The following SLC25A24 variants were observed in gnomAD, a reference collection of about 807,000 sequenced individuals.
SLC25A24 encodes the protein mitochondrial adenyl nucleotide antiporter SLC25A24.
In SLC25A24, 49 loss-of-function variants were observed where a neutral mutation model predicts 60.7. The observed-to-expected ratio is 0.81, with a 90% CI of 0.64 to 1.02. SLC25A24 has a LOEUF of 1.02. Ranked by LOEUF, SLC25A24 falls within the 50% of genes least tolerant of loss-of-function variation. The probability of loss-of-function intolerance (pLI) is 0.00; values close to 1 mark genes in which losing one functional copy is unlikely to be tolerated. For missense variants in SLC25A24, 564 were observed against 586.3 expected (o/e 0.96, Z 0.39); for synonymous variants, 202 against 200.6 (o/e 1.01, Z -0.06).
At chr1:108,146,521 T>A (rs1227128873) in intron 7 of SLC25A24, among the ~76,000 whole-genome samples, 1 of 152,224 alleles carries the variant, frequency 6.6e-6, no homozygotes, top group Admixed American at 6.5e-5. Flanking sequence ...CTTCCAGCTT[T>A]TGCCCATTCA....
chr1:108,192,629 G>A (rs771697575), intron 1 of SLC25A24: 3 of 1,494,496 alleles, frequency 2.0e-6, no homozygotes, highest in African/African-American at 2.7e-5. Context: ...CATCGAGGAT[G>A]TCTCCCTCGC....
At chr1:108,158,741 G>A (rs1009596751) in intron 4 of SLC25A24, among the ~76,000 whole-genome samples, 48 of 148,942 alleles carry the variant, frequency 3.2e-4, no homozygotes, top group African/African-American at 1.1e-3. Context: ...AGTGGCTCAC[G>A]CCTGTAATCC....
chr1:108,154,568 G>A (rs6678223), intron 6 of SLC25A24, among the ~76,000 whole-genome samples: 1 of 151,592 alleles, frequency 6.6e-6, no homozygotes, highest in Non-Finnish European at 1.5e-5. Context: ...CTTCATGGAG[G>A]TGTCACTCCA....
chr1:108,142,087 C>T (rs185946277), intron 8 of SLC25A24, among the ~76,000 whole-genome samples: 63 of 152,120 alleles, frequency 4.1e-4, no homozygotes, highest in African/African-American at 1.4e-3. Context: ...CCTAAGAGGA[C>T]GGCCATAATA....
At chr1:108,159,779 G>T (rs1161214860) in intron 4 of SLC25A24, among the ~76,000 whole-genome samples, 1 of 151,258 alleles carries the variant, frequency 6.6e-6, no homozygotes, top group Non-Finnish European at 1.5e-5. Context: ...CACAGGGTTG[G>T]GGGTAAGGTC....
chr1:108,185,067 A>T (rs1648069164), intron 2 of SLC25A24, among the ~76,000 whole-genome samples: 1 of 152,162 alleles, frequency 6.6e-6, no homozygotes, highest in Non-Finnish European at 1.5e-5. Context: ...TTTTAAGAAG[A>T]GGAAGAGAGA....
chr1:108,195,043 CT>C (rs1400014916), intron 1 of SLC25A24, among the ~76,000 whole-genome samples: 1 of 152,196 alleles, frequency 6.6e-6, no homozygotes, highest in Admixed American at 6.5e-5. Context: ...TCAACAAATC[CT>C]TTTGTTTTCA....
intron 4 of SLC25A24, among the ~76,000 whole-genome samples, chr1:108,158,052 A>G (rs566588087): frequency 6.6e-6 from 1 of 152,280 alleles, no homozygotes; most frequent in South Asian, 2.1e-4. Flanking sequence ...CTTTATCTCA[A>G]ATTTATATCC....
chr1:108,153,811 G>C (rs1465643783), intron 6 of SLC25A24, among the ~76,000 whole-genome samples: 1 of 152,198 alleles, frequency 6.6e-6, no homozygotes, highest in Non-Finnish European at 1.5e-5. Context: ...AAAGCAAAAT[G>C]TGCATATTTG....
chr1:108,195,604 C>T (rs1413254635), intron 1 of SLC25A24, among the ~76,000 whole-genome samples: 1 of 152,022 alleles, frequency 6.6e-6, no homozygotes, highest in African/African-American at 2.4e-5. Flanking sequence ...TTTCTTATAC[C>T]ATAATCTTTC....
chr1:108,171,795 C>A (rs938061943), intron 3 of SLC25A24, among the ~76,000 whole-genome samples: 2 of 152,176 alleles, frequency 1.3e-5, no homozygotes, highest in East Asian at 3.8e-4. Flanking sequence ...CTCATTTAAT[C>A]CTTAAAACAA....
chr1:108,147,723 A>ATGGCAGCCAGCCTCTAAAG (rs927294760), intron 7 of SLC25A24, among the ~76,000 whole-genome samples: 1 of 152,256 alleles, frequency 6.6e-6, no homozygotes, highest in Admixed American at 6.5e-5. Context: ...TTGGACAGGA[A>ATGGCAGCCAGCCTCTAAAG]TGGCAGCCAG....
At chr1:108,140,015 A>G (rs1399914780) in intron 8 of SLC25A24, among the ~76,000 whole-genome samples, 1 of 152,168 alleles carries the variant, frequency 6.6e-6, no homozygotes, top group Non-Finnish European at 1.5e-5. Flanking sequence ...GGCAATAATT[A>G]GGAGAAACTG....
At position 108,185,968 on chromosome 1, in the gene SLC25A24, T is replaced by A; in HGVS notation, c.184-14A>T. The A allele has an allele frequency of 3.2e-6, 5 of 1,543,236 alleles. No individual in the cohort carries two copies. The highest frequency in any genetic ancestry group is 4.4e-6 in the Non-Finnish European group (5 of 1,136,978). On this transcript the variant is annotated splice_polypyrimidine_tract_variant and intron_variant, in intron 1 of 9. Transcript: ENST00000565488. Reference sequence around the variant, plus strand: ...AGTAAAAATTTTCTATAAAAAAAAATTAGAGAGAAGTTATTGCCAATATGG... The same window carrying A: ...AGTAAAAATTTTCTATAAAAAAAAAATAGAGAGAAGTTATTGCCAATATGG...
chr1:108,189,005 G>A (rs779364385), intron 1 of SLC25A24, among the ~76,000 whole-genome samples: 1 of 152,182 alleles, frequency 6.6e-6, no homozygotes, highest in African/African-American at 2.4e-5. Context: ...CTTACAAGTG[G>A]AGAGATTTTC....
In SLC25A24 at chr1:108,200,242, C is replaced by T; in HGVS notation, c.-104G>A. On this transcript the variant is annotated 5_prime_UTR_variant, in exon 1 of 10. Coordinates refer to ENST00000565488, the MANE Select transcript of SLC25A24 (RefSeq NM_013386.5). ...AGGCCGGGCTGGGCGGGGCGCGCGG[C>T]GCAACAGCGTTTGGGGCGCCGTCGG... 8.5e-7 allele frequency: 1 copy of T among 1,176,478 alleles called. No individual in the cohort carries two copies. Among genetic ancestry groups the T allele is most frequent in the Non-Finnish European group, 1.1e-6 (1 of 903,786 alleles). 72.9% of individuals were successfully genotyped at this position (1,176,478 alleles called of 1,614,324 possible). A position where few individuals can be genotyped will look rare whatever the true frequency, so the allele number is the denominator to read the frequency against.
chr1:108,166,377 C>T (rs1471393911), intron 3 of SLC25A24, among the ~76,000 whole-genome samples: 2 of 151,956 alleles, frequency 1.3e-5, no homozygotes, highest in East Asian at 3.9e-4. Flanking sequence ...TGGATAATAT[C>T]CTGCAGAGTG....
At chr1:108,139,751 A>T (rs1056890236) in intron 8 of SLC25A24, among the ~76,000 whole-genome samples, 7 of 152,068 alleles carry the variant, frequency 4.6e-5, no homozygotes, top group Non-Finnish European at 7.4e-5. Flanking sequence ...AGCTTGGATT[A>T]CAGGCACCCA....
In SLC25A24 at chr1:108,192,682, C is replaced by A. The variant is rs1648382341; in HGVS notation, c.184-6728G>T. 2.1e-6 allele frequency: 3 copies of A among 1,462,914 alleles called. 1 individual carries two copies. In the Admixed American group the frequency reaches 6.5e-5, roughly 32 times the overall value. 90.6% of individuals were successfully genotyped at this position (1,462,914 alleles called of 1,614,324 possible). On this transcript the variant is annotated intron_variant, in intron 1 of 9. Coordinates refer to ENST00000565488, the MANE Select transcript of SLC25A24 (RefSeq NM_013386.5). ...GAGCCCCAGCGGGGTGGAAGTGCGACCGACGAACGGGATCTCTGCCCACCA... is the reference window on the plus strand; with the variant it reads ...GAGCCCCAGCGGGGTGGAAGTGCGAACGACGAACGGGATCTCTGCCCACCA...
Sources: allele counts gnomAD v4.1 joint callset (sites outside exome capture counted in the v4.1 genomes callset), GRCh38; gene constraint gnomAD v4.1.1; transcripts MANE v1.5; gene names NCBI Gene and HGNC (gene_info 2026-07-23, HGNC 2026-07-21).